The following FAM117B variants were observed in gnomAD, a reference collection of about 807,000 sequenced individuals.
The protein encoded by FAM117B is protein FAM117B.
FAM117B carries 22 observed loss-of-function variants against 52.8 expected under a neutral mutation model. The observed-to-expected ratio is 0.42, with a 90% confidence interval of 0.30 to 0.59. The LOEUF (loss-of-function observed/expected upper bound fraction) is 0.59, where lower values mean the gene tolerates loss of function less well. Among genes scored for constraint, FAM117B ranks in the 20% least tolerant of loss-of-function variants. The pLI, the probability that FAM117B is intolerant of heterozygous loss-of-function variation, is 0.22. For missense variants in FAM117B, 678 were observed against 802.6 expected (o/e 0.84, Z 1.88); for synonymous variants, 309 against 324.1 (o/e 0.95, Z 0.50).
At chr2:202,742,185 A>G (rs1691553644) in intron 4 of FAM117B, among the ~76,000 whole-genome samples, 1 of 152,256 alleles carries the variant, frequency 6.6e-6, no homozygotes, top group African/African-American at 2.4e-5. Flanking sequence ...AGTTGCTACT[A>G]ATAGAACTTG....
At chr2:202,665,419 C>A (rs1223780121) in intron 1 of FAM117B, among the ~76,000 whole-genome samples, 1 of 152,136 alleles carries the variant, frequency 6.6e-6, no homozygotes, top group Non-Finnish European at 1.5e-5. Context: ...AGAAAACTTT[C>A]TATTTTTAAA....
chr2:202,679,287 C>G (rs1690427845), intron 1 of FAM117B, among the ~76,000 whole-genome samples: 1 of 152,138 alleles, frequency 6.6e-6, no homozygotes, highest in Non-Finnish European at 1.5e-5. Context: ...TTAGATCACA[C>G]TGTAGGCAGG....
chr2:202,658,400 T>A (rs1690081653), intron 1 of FAM117B, among the ~76,000 whole-genome samples: 1 of 152,120 alleles, frequency 6.6e-6, no homozygotes, highest in Non-Finnish European at 1.5e-5. Context: ...GCCTCCTGGG[T>A]TCAGGTGATC....
At chr2:202,741,459 A>G (rs554066198) in intron 4 of FAM117B, among the ~76,000 whole-genome samples, 37 of 150,070 alleles carry the variant, frequency 2.5e-4, no homozygotes, top group African/African-American at 8.3e-4. Flanking sequence ...ATTGGTGATG[A>G]AGAAATAAAA....
intron 7 of FAM117B, among the ~76,000 whole-genome samples, chr2:202,762,078 A>G (rs1691898819): frequency 6.6e-6 from 1 of 152,220 alleles, no homozygotes; most frequent in South Asian, 2.1e-4. Flanking sequence ...TTTGTCCCAG[A>G]TATGTCAAAA....
rs973112866 is a variant in FAM117B, at chr2:202,634,992, G to A, written c.-196G>A. ...GCAGAGGAGACACTATTGTTGATGA[G>A]GAGCGGCGGCGGCGGCGGCGGCGGC... On this transcript the variant is annotated 5_prime_UTR_variant, in exon 1 of 8. Coordinates refer to ENST00000392238, the MANE Select transcript of FAM117B (RefSeq NM_173511.4). Among the ~76,000 whole-genome samples the A allele has an allele frequency of 1.5e-5, 2 of 132,912 alleles. No homozygotes were observed. The highest frequency in any genetic ancestry group is 3.2e-5 in the African/African-American group (1 of 31,506). The allele number at this position is 132,912 out of a possible 152,430, so 87.2% of individuals were successfully genotyped here. A position where few individuals can be genotyped will look rare whatever the true frequency, so the allele number is the denominator to read the frequency against.
In FAM117B at chr2:202,768,662, A is replaced by T. The variant is rs1204664704; in HGVS notation, c.*2898A>T. The T allele has an allele frequency of 6.6e-6, 1 of 152,440 alleles. No homozygotes were observed. The highest frequency in any genetic ancestry group is 1.5e-5 in the Non-Finnish European group (1 of 67,974). The allele number at this position is 152,440 out of a possible 1,614,324, so 9.4% of individuals were successfully genotyped here. A position where few individuals can be genotyped will look rare whatever the true frequency, so the allele number is the denominator to read the frequency against. ...CTCCAGCTTTCCAGTGAAATGTGAC[A>T]CTCTCAATAGAATGCATAATGTTGG... On this transcript the variant is annotated 3_prime_UTR_variant, in exon 8 of 8. Transcript: ENST00000392238.
intron 1 of FAM117B, among the ~76,000 whole-genome samples, chr2:202,660,383 C>T (rs529815655): frequency 2.0e-5 from 3 of 152,140 alleles, no homozygotes; most frequent in Admixed American, 2.0e-4. Context: ...GGCTGTGGTT[C>T]TAATGTCAAT....
intron 1 of FAM117B, among the ~76,000 whole-genome samples, chr2:202,636,468 A>C (rs1259505919): frequency 6.6e-6 from 1 of 152,232 alleles, no homozygotes; most frequent in African/African-American, 2.4e-5. Flanking sequence ...AACAGAATCC[A>C]GTGTTTTGTC....
chr2:202,663,455 A>T (rs529021348), intron 1 of FAM117B, among the ~76,000 whole-genome samples: 45 of 152,186 alleles, frequency 3.0e-4, no homozygotes, highest in Non-Finnish European at 6.3e-4. Flanking sequence ...CTTTTTATTT[A>T]ATGGCGAACA....
chr2:202,659,511 G>C (rs1401375880), intron 1 of FAM117B, among the ~76,000 whole-genome samples: 2 of 149,012 alleles, frequency 1.3e-5, no homozygotes, highest in African/African-American at 4.9e-5. Context: ...GGGTTTCACT[G>C]TGTTGCCCAG....
At chr2:202,656,989 A>G (rs1030193252) in intron 1 of FAM117B, among the ~76,000 whole-genome samples, 2 of 152,138 alleles carry the variant, frequency 1.3e-5, no homozygotes, top group South Asian at 2.1e-4. Flanking sequence ...TGCAAGATCT[A>G]TTTTTACTAT....
chr2:202,758,340 G>A (rs1463860616), intron 6 of FAM117B, among the ~76,000 whole-genome samples: 1 of 152,166 alleles, frequency 6.6e-6, no homozygotes, highest in Admixed American at 6.5e-5. Flanking sequence ...TAGCTTCTAG[G>A]TCTGATAAAA....
At chr2:202,725,894 C>CT (rs1279113333) in intron 3 of FAM117B, among the ~76,000 whole-genome samples, 4 of 152,014 alleles carry the variant, frequency 2.6e-5, no homozygotes, top group Non-Finnish European at 5.9e-5. Flanking sequence ...CTGTTGAAAG[C>CT]TAGGTGTTCA....
Position 202,765,460 on chromosome 2 carries a change from A to C in FAM117B, c.1466A>C (p.His489Pro). ...VFEECSPKQLHEIPAFYCPDK... is the reference protein window; with the variant it reads ...VFEECSPKQLPEIPAFYCPDK... ...TCTATGTCTAGGCCAAAACAGCTTC[A>C]TGAAATCCCAGCCTTTTATTGTCCT... The change falls in exon 8 of 8, where the codon CAT becomes CCT. Residue 489 changes from histidine (H) to proline (P), a missense_variant. Transcript: ENST00000392238. 3 of 1,613,520 alleles carry C rather than the reference A, an allele frequency of 1.9e-6. No homozygotes were observed. The highest frequency in any genetic ancestry group is 2.5e-6 in the Non-Finnish European group (3 of 1,179,940).
At chr2:202,721,794 C>T (rs897607531) in intron 2 of FAM117B, among the ~76,000 whole-genome samples, 3 of 151,914 alleles carry the variant, frequency 2.0e-5, no homozygotes, top group Non-Finnish European at 4.4e-5. Flanking sequence ...TCATGAGGCC[C>T]AGCTAATTTT....
At chr2:202,736,221 T>C (rs1691435645) in intron 4 of FAM117B, among the ~76,000 whole-genome samples, 1 of 152,210 alleles carries the variant, frequency 6.6e-6, no homozygotes, top group Non-Finnish European at 1.5e-5. Flanking sequence ...TTAAAAGTTT[T>C]TTGCCGTTTC....
rs565058629 is a variant in FAM117B, at chr2:202,639,085, C to T, written c.601+3297C>T. ...TTAAAGGGAGGCTACCACCAGTTTG[C>T]AGCTGTGATGAATGTAAAAATCCCT... On this transcript the variant is annotated intron_variant, in intron 1 of 7. Coordinates refer to ENST00000392238, the MANE Select transcript of FAM117B (RefSeq NM_173511.4). Among the ~76,000 whole-genome samples, 262 of 152,286 alleles carry T rather than the reference C, an allele frequency of 1.7e-3. 1 individual carries two copies. Among genetic ancestry groups the T allele is most frequent in the Non-Finnish European group, 3.3e-3 (223 of 68,024 alleles).
intron 1 of FAM117B, among the ~76,000 whole-genome samples, chr2:202,636,125 G>A (rs1490185629): frequency 6.6e-6 from 1 of 152,222 alleles, no homozygotes; most frequent in Non-Finnish European, 1.5e-5. Context: ...AGTCGTTACT[G>A]CTTACCCTCC....
Sources: allele counts gnomAD v4.1 joint callset (sites outside exome capture counted in the v4.1 genomes callset), GRCh38; gene constraint gnomAD v4.1.1; transcripts MANE v1.5; gene names NCBI Gene and HGNC (gene_info 2026-07-23, HGNC 2026-07-21).